Variants in ARID1B observed in about 807,000 individuals in gnomAD.
The protein encoded by ARID1B is AT-rich interaction domain 1B.
Under a neutral mutation model 212.3 loss-of-function variants are expected in ARID1B, and 30 were observed. The observed-to-expected ratio is 0.14, with a 90% CI of 0.11 to 0.19. The LOEUF (loss-of-function observed/expected upper bound fraction) is 0.19, where lower values mean the gene tolerates loss of function less well. Among genes scored for constraint, ARID1B ranks in the 10% least tolerant of loss-of-function variants. The pLI is 1.00. For synonymous variants in ARID1B, 1,402 were observed against 1,301.7 expected (o/e 1.08, Z -1.66); for missense variants, 2,891 against 3,204.0 (o/e 0.90, Z 2.36).
At chr6:157,130,632 A>G (rs945416809) in intron 6 of ARID1B, among the ~76,000 whole-genome samples, 2 of 152,230 alleles carry the variant, frequency 1.3e-5, no homozygotes, top group African/African-American at 2.4e-5. Flanking sequence ...TTTTATGTCT[A>G]TCTCTTTAAA....
intron 2 of ARID1B, among the ~76,000 whole-genome samples, chr6:156,856,721 C>T (rs1289766410): frequency 1.3e-5 from 2 of 150,874 alleles, no homozygotes; most frequent in Non-Finnish European, 2.9e-5. Flanking sequence ...CACACACACA[C>T]ACACACACAC....
chr6:157,117,913 G>T (rs554324971), intron 6 of ARID1B, among the ~76,000 whole-genome samples: 1 of 152,152 alleles, frequency 6.6e-6, no homozygotes, highest in African/African-American at 2.4e-5. Context: ...TGTACTTACA[G>T]TGGGTGTCAG....
chr6:157,191,259 G>A (rs759463489), intron 15 of ARID1B, among the ~76,000 whole-genome samples: 1 of 151,918 alleles, frequency 6.6e-6, no homozygotes, highest in Non-Finnish European at 1.5e-5. Flanking sequence ...CCGGCAGAGT[G>A]TATGTCAGAG....
At chr6:156,931,133 G>T (rs1030860454) in intron 3 of ARID1B, among the ~76,000 whole-genome samples, 3 of 148,712 alleles carry the variant, frequency 2.0e-5, no homozygotes, top group Non-Finnish European at 4.5e-5. Flanking sequence ...GTGCTTGCAG[G>T]GAGCCGAGAT....
At chr6:156,869,816 C>T (rs1030093819) in intron 2 of ARID1B, among the ~76,000 whole-genome samples, 13 of 152,176 alleles carry the variant, frequency 8.5e-5, no homozygotes, top group Admixed American at 5.9e-4. Context: ...AGGGAAAAAT[C>T]GGTTCTGAGA....
At chr6:156,818,098 A>ATTTTTTTTT (rs71027317) in intron 1 of ARID1B, among the ~76,000 whole-genome samples, 1 of 61,322 alleles carries the variant, frequency 1.6e-5, no homozygotes, top group Non-Finnish European at 2.9e-5. Flanking sequence ...TAGTTGCCCT[A>ATTTTTTTTT]TTTTTTTTTT....
chr6:157,093,538 G>A (rs1785419496), intron 5 of ARID1B, among the ~76,000 whole-genome samples: 2 of 152,194 alleles, frequency 1.3e-5, no homozygotes, highest in Admixed American at 1.3e-4. Context: ...CAAACGGAAT[G>A]CCTTCACTAA....
intron 3 of ARID1B, among the ~76,000 whole-genome samples, chr6:156,933,533 TA>T (rs970166507): frequency 1.7e-4 from 26 of 152,196 alleles, no homozygotes; most frequent in Non-Finnish European, 7.3e-5. Context: ...AGAGTGGTCA[TA>T]ATCTTTCAGC....
In ARID1B at chr6:157,207,117, G is replaced by T; in HGVS notation, c.6345G>T (p.Pro2115=). 1 of 1,614,172 alleles carries T rather than the reference G, an allele frequency of 6.2e-7. No homozygotes were observed. Among genetic ancestry groups the T allele is most frequent in the South Asian group, 1.1e-5 (1 of 91,076 alleles). Residue 2115 remains proline, a synonymous_variant, in exon 20 of 20, where the codon CCG becomes CCT. Coordinates refer to ENST00000636930, the MANE Select transcript of ARID1B (RefSeq NM_001374828.1). This position sits in a 1 kb window ranked among gnomAD's most constrained non-coding sequence, Gnocchi z 8.5. ...HHEHPERKRA[P]QTYEKEEDED... is the part of the protein sequence containing the mutation. The stretch of plus-strand genomic sequence containing the variant: ...AGCATCCAGAGAGAAAGCGAGCACC[G>T]CAGACCTATGAGAAAGAGGAGGATG...
Position 157,191,914 on chromosome 6 carries a change from A to G in ARID1B, c.4231+1704A>G, listed in dbSNP as rs150152003. Among the ~76,000 whole-genome samples, 17 of 152,346 alleles carry G rather than the reference A, an allele frequency of 1.1e-4. No individual in the cohort carries two copies. In the East Asian group the frequency reaches 2.5e-3, roughly 22 times the overall value. On this transcript the variant is annotated intron_variant, in intron 15 of 19. Coordinates refer to ENST00000636930, the MANE Select transcript of ARID1B (RefSeq NM_001374828.1). ...CATAAAGCCCAAAGCCTTGGTTTTC[A>G]TATGTATTATAGACCAATGAAAAAG...
At chr6:156,841,507 A>T (rs1436210827) in intron 2 of ARID1B, among the ~76,000 whole-genome samples, 2 of 152,176 alleles carry the variant, frequency 1.3e-5, no homozygotes, top group African/African-American at 4.8e-5. Flanking sequence ...TCCTCTCTGG[A>T]CCCAATTTCT....
chr6:156,869,096 T>G (rs1190957373), intron 2 of ARID1B, among the ~76,000 whole-genome samples: 1 of 152,220 alleles, frequency 6.6e-6, no homozygotes, highest in Non-Finnish European at 1.5e-5. Context: ...CAGTTGAAAC[T>G]TTTGATTTCA....
intron 7 of ARID1B, among the ~76,000 whole-genome samples, chr6:157,137,613 T>C (rs1474518581): frequency 6.6e-6 from 1 of 152,242 alleles, no homozygotes; most frequent in East Asian, 1.9e-4. Context: ...CATGTTGTTA[T>C]TAGTTACAAA....
intron 6 of ARID1B, among the ~76,000 whole-genome samples, chr6:157,123,221 TCTCCCCC>T (rs1286697542): frequency 6.2e-5 from 3 of 48,718 alleles, no homozygotes; most frequent in African/African-American, 2.7e-4. Context: ...TCTTTCTTTC[TCTCCCCC>T]CCGCCCCCCG....
intron 4 of ARID1B, among the ~76,000 whole-genome samples, chr6:157,030,882 G>C (rs573714210): frequency 1.3e-5 from 2 of 152,118 alleles, no homozygotes; most frequent in African/African-American, 4.8e-5. Flanking sequence ...TTCAGAGGAC[G>C]GCCGCTGTAC....
At chr6:156,878,747 C>T (rs957889263) in intron 2 of ARID1B, among the ~76,000 whole-genome samples, 1 of 152,196 alleles carries the variant, frequency 6.6e-6, no homozygotes, top group African/African-American at 2.4e-5. Flanking sequence ...GAAGAGGGTT[C>T]ATAGCTTGGG....
chr6:156,987,413 C>T (rs1777991837), intron 4 of ARID1B, among the ~76,000 whole-genome samples: 1 of 151,556 alleles, frequency 6.6e-6, no homozygotes, highest in African/African-American at 2.4e-5. Flanking sequence ...TCACTGCAAG[C>T]TCTGCCTCCC....
At chr6:156,792,327 A>G (rs1200847523) in intron 1 of ARID1B, among the ~76,000 whole-genome samples, 5 of 152,272 alleles carry the variant, frequency 3.3e-5, no homozygotes, top group South Asian at 2.1e-4. Context: ...GCAAGGCCGG[A>G]CCCAGTGGTT....
chr6:156,801,184 A>G (rs964255426), intron 1 of ARID1B, among the ~76,000 whole-genome samples: 1 of 145,802 alleles, frequency 6.9e-6, no homozygotes, highest in Non-Finnish European at 1.5e-5. Flanking sequence ...GTAGGGTAGG[A>G]TCTTGAATAA....
Sources: allele counts gnomAD v4.1 joint callset (sites outside exome capture counted in the v4.1 genomes callset), GRCh38; gene constraint gnomAD v4.1.1; non-coding constraint Gnocchi (gnomAD v3.1); transcripts MANE v1.5; gene names NCBI Gene and HGNC (gene_info 2026-07-23, HGNC 2026-07-21).